The following CTNNA2 variants were observed in gnomAD, a reference collection of about 807,000 sequenced individuals.
CTNNA2 encodes the protein catenin alpha-2.
CTNNA2 carries 42 observed loss-of-function variants against 101.0 expected under a neutral mutation model. The observed-to-expected ratio is 0.42, with a 90% CI of 0.32 to 0.54. The LOEUF (loss-of-function observed/expected upper bound fraction) is 0.54. Among genes scored for constraint, CTNNA2 ranks in the 20% least tolerant of loss-of-function variants. The probability of loss-of-function intolerance (pLI) is 0.14; values close to 1 mark genes in which losing one functional copy is unlikely to be tolerated. For synonymous variants in CTNNA2, 450 were observed against 456.4 expected, an observed-to-expected ratio of 0.99 and a Z score of 0.18; for missense variants, 871 against 1,223.1, an observed-to-expected ratio of 0.71 and a Z score of 4.29.
chr2:79,607,896 C>T (rs1320152090), intron 1 of CTNNA2, among the ~76,000 whole-genome samples: 1 of 151,294 alleles, frequency 6.6e-6, no homozygotes, highest in Non-Finnish European at 1.5e-5. Context: ...TAAACAAAAG[C>T]AGGGCAAAAA....
intron 1 of CTNNA2, among the ~76,000 whole-genome samples, chr2:79,553,373 G>A (rs1004367118): frequency 2.6e-5 from 4 of 151,990 alleles, no homozygotes; most frequent in Non-Finnish European, 5.9e-5. Flanking sequence ...ACCTCTTCCC[G>A]TTACCTAGTT....
intron 7 of CTNNA2, among the ~76,000 whole-genome samples, chr2:80,255,681 T>A (rs1672087954): frequency 6.6e-6 from 1 of 152,154 alleles, no homozygotes. Context: ...TTCCCTGAGA[T>A]AAAAATAAGT....
intron 7 of CTNNA2, among the ~76,000 whole-genome samples, chr2:80,106,309 G>T (rs1206928638): frequency 6.6e-6 from 1 of 152,108 alleles, no homozygotes; most frequent in African/African-American, 2.4e-5. Flanking sequence ...CATCAGTTTG[G>T]TTTTTCCTGG....
At chr2:79,699,721 T>C (rs946439278) in intron 2 of CTNNA2, among the ~76,000 whole-genome samples, 1 of 147,944 alleles carries the variant, frequency 6.8e-6, no homozygotes, top group African/African-American at 2.5e-5. Flanking sequence ...TTAAATCAAC[T>C]AAAAAATTTT....
chr2:79,927,597 A>T (rs1338848165), intron 7 of CTNNA2, among the ~76,000 whole-genome samples: 1 of 152,238 alleles, frequency 6.6e-6, no homozygotes, highest in Non-Finnish European at 1.5e-5. Context: ...TTTATCAATT[A>T]TTCATTGAAC....
chr2:80,518,421 T>A (rs76384760), intron 9 of CTNNA2, among the ~76,000 whole-genome samples: 1 of 152,180 alleles, frequency 6.6e-6, no homozygotes, highest in Non-Finnish European at 1.5e-5. Context: ...GTCCTTCTTG[T>A]CTTTATGGAT....
intron 2 of CTNNA2, among the ~76,000 whole-genome samples, chr2:79,694,103 TAGAC>T (rs1308936740): frequency 6.6e-6 from 1 of 151,948 alleles, no homozygotes; most frequent in African/African-American, 2.4e-5. Flanking sequence ...TCTTCTCACT[TAGAC>T]AACCTCACAG....
intron 1 of CTNNA2, among the ~76,000 whole-genome samples, chr2:79,554,809 C>T (rs1674341987): frequency 6.6e-6 from 1 of 152,148 alleles, no homozygotes; most frequent in African/African-American, 2.4e-5. Flanking sequence ...GGTGATACTT[C>T]CATGGTCATA....
At chr2:79,193,066 T>C (rs760488355) in intron 1 of CTNNA2, among the ~76,000 whole-genome samples, 21 of 152,224 alleles carry the variant, frequency 1.4e-4, no homozygotes, top group Non-Finnish European at 2.9e-4. Context: ...TAGCAACATT[T>C]AGTACTGCTT....
At chr2:79,991,110 C>T (rs1159798056) in intron 7 of CTNNA2, among the ~76,000 whole-genome samples, 3 of 152,012 alleles carry the variant, frequency 2.0e-5, no homozygotes, top group Non-Finnish European at 4.4e-5. Flanking sequence ...TTTGTGGGAT[C>T]GGTCGTGATA....
At chr2:79,743,691 GC>G (rs1179558603) in intron 2 of CTNNA2, among the ~76,000 whole-genome samples, 1 of 151,870 alleles carries the variant, frequency 6.6e-6, no homozygotes, top group East Asian at 1.9e-4. Context: ...CTGCCACCAG[GC>G]CCAGCTAATT....
intron 7 of CTNNA2, among the ~76,000 whole-genome samples, chr2:79,920,428 G>A (rs1435460501): frequency 3.3e-5 from 5 of 152,114 alleles, no homozygotes; most frequent in African/African-American, 1.2e-4. Context: ...CGTGAAGAGG[G>A]ATGTTGTATT....
At chr2:79,857,909 A>C (rs1454906084) in intron 3 of CTNNA2, 104 bp from the exon 4 acceptor site, 2 of 1,234,886 alleles carry the variant, frequency 1.6e-6, no homozygotes, top group African/African-American at 3.0e-5. Flanking sequence ...CCTGGTCATC[A>C]GAGTTTTGCA....
At chr2:79,296,547 C>T (rs923781407) in intron 2 of CTNNA2, among the ~76,000 whole-genome samples, 8 of 152,120 alleles carry the variant, frequency 5.3e-5, no homozygotes, top group African/African-American at 1.2e-4. Context: ...TGCACTCTAG[C>T]ACCTACTATA....
chr2:80,196,034 A>AGAT (rs1392203416), intron 7 of CTNNA2, among the ~76,000 whole-genome samples: 2 of 152,218 alleles, frequency 1.3e-5, no homozygotes, highest in Non-Finnish European at 2.9e-5. Flanking sequence ...TATTAAAAAT[A>AGAT]GATAAGTGAT....
intron 7 of CTNNA2, among the ~76,000 whole-genome samples, chr2:80,075,819 T>TTATACATG (rs1280108642): frequency 2.8e-5 from 4 of 145,364 alleles, no homozygotes; most frequent in African/African-American, 1.0e-4. Flanking sequence ...AAAATAATAT[T>TTATACATG]TATAAATTAA....
chr2:79,387,817 A>G (rs1678121714), intron 4 of CTNNA2, among the ~76,000 whole-genome samples: 1 of 152,196 alleles, frequency 6.6e-6, no homozygotes, highest in Admixed American at 6.5e-5. Context: ...CCTAGAAAAG[A>G]GCTGGACTGG....
At chr2:79,272,057 A>G (rs1573010292) in intron 2 of CTNNA2, among the ~76,000 whole-genome samples, 2 of 152,156 alleles carry the variant, frequency 1.3e-5, no homozygotes, top group East Asian at 3.9e-4. Flanking sequence ...ACCTAACATT[A>G]TTGAAGGCCA....
At chr2:80,260,737 A>G (rs1217164649) in intron 7 of CTNNA2, among the ~76,000 whole-genome samples, 1 of 152,168 alleles carries the variant, frequency 6.6e-6, no homozygotes, top group African/African-American at 2.4e-5. Context: ...AGCAGAGCCA[A>G]CCCACGTCAC....
Sources: gnomAD v4.1 joint callset for allele counts (sites outside exome capture counted in the v4.1 genomes callset) on GRCh38, gnomAD v4.1.1 for gene constraint, MANE v1.5 for transcripts, NCBI Gene and HGNC (gene_info 2026-07-23, HGNC 2026-07-21) for gene names.